Variants in TAMM41 observed in about 807,000 individuals in gnomAD.
The protein encoded by TAMM41 is TAM41 mitochondrial translocator assembly and maintenance homolog, also known as phosphatidate cytidylyltransferase, mitochondrial.
Under a neutral mutation model 44.1 loss-of-function variants are expected in TAMM41, and 36 were observed. That is an observed-to-expected ratio of 0.82 (90% CI 0.63 to 1.08). The LOEUF is 1.08. Ranked by LOEUF, TAMM41 falls within the 50% of genes least tolerant of loss-of-function variation. The probability of loss-of-function intolerance (pLI) is 0.00; values close to 1 mark genes in which losing one functional copy is unlikely to be tolerated. For missense variants in TAMM41, 417 were observed against 404.3 expected (o/e 1.03, Z -0.27); for synonymous variants, 164 against 153.1 (o/e 1.07, Z -0.53).
intron 4 of TAMM41, among the ~76,000 whole-genome samples, chr3:11,820,725 C>T (rs1169010125): frequency 6.6e-6 from 1 of 152,186 alleles, no homozygotes; most frequent in African/African-American, 2.4e-5. Flanking sequence ...ATTTTTCTTA[C>T]CTTGGGAGAT....
At chr3:11,784,796 CTT>C in the TAMM41 span, among the ~76,000 whole-genome samples, 14,408 of 108,196 alleles carry the variant, frequency 0.13, 1,189 homozygotes, top group East Asian at 0.48. Flanking sequence ...CTTTTCTTTT[CTT>C]TTTTTTTTTT....
chr3:11,750,364 G>A, the TAMM41 span, among the ~76,000 whole-genome samples: 1 of 151,948 alleles, frequency 6.6e-6, no homozygotes, highest in African/African-American at 2.4e-5. Context: ...AAGTGCAATG[G>A]TGTGATCATG....
chr3:11,729,793 C>A, the TAMM41 span, among the ~76,000 whole-genome samples: 1 of 150,294 alleles, frequency 6.7e-6, no homozygotes, highest in Non-Finnish European at 1.5e-5. Context: ...CTACTGACTG[C>A]AAGGAAGGAA....
intron 7 of TAMM41, among the ~76,000 whole-genome samples, chr3:11,792,632 G>A (rs2077506594): frequency 6.6e-6 from 1 of 152,110 alleles, no homozygotes; most frequent in Admixed American, 6.5e-5. Flanking sequence ...TTTCAACAGA[G>A]GTGGAGAACT....
chr3:11,823,992 A>C (rs530551387), intron 4 of TAMM41, among the ~76,000 whole-genome samples: 10 of 150,832 alleles, frequency 6.6e-5, no homozygotes, highest in Non-Finnish European at 1.5e-4. Flanking sequence ...CATCCAACTA[A>C]TTTTTTGTAT....
At chr3:11,747,084 AC>A in the TAMM41 span, among the ~76,000 whole-genome samples, 1 of 152,130 alleles carries the variant, frequency 6.6e-6, no homozygotes, top group African/African-American at 2.4e-5. Context: ...TATTTATAAG[AC>A]GGAGCCTCCT....
the TAMM41 span, among the ~76,000 whole-genome samples, chr3:11,774,811 G>T: frequency 6.6e-6 from 1 of 151,692 alleles, no homozygotes; most frequent in East Asian, 1.9e-4. Context: ...GTCCTAATCT[G>T]CCCTCATGAC....
At position 11,839,275 on chromosome 3, in the gene TAMM41, CAATCAG is replaced by C. The variant is rs753581636; in HGVS notation, c.352_357del (p.Leu118_Ile119del). The stretch of plus-strand genomic sequence containing the variant: ...AAGTTATTCCAGTTGAGGAGATCTT[CAATCAG>C]AACGTTAGTGCTAATAACTCCATAT... On this transcript the variant is annotated inframe_deletion, in exon 3 of 8. Coordinates refer to ENST00000455809, the MANE Select transcript of TAMM41 (RefSeq NM_001284401.2). 1 of 1,613,514 alleles carries C rather than the reference CAATCAG, an allele frequency of 6.2e-7. No homozygotes were observed. The highest frequency in any genetic ancestry group is 8.5e-7 in the Non-Finnish European group (1 of 1,179,704).
intron 5 of TAMM41, among the ~76,000 whole-genome samples, chr3:11,816,774 C>G (rs1387987231): frequency 2.0e-5 from 3 of 149,484 alleles, no homozygotes; most frequent in African/African-American, 7.4e-5. Context: ...CCTGTCCCCC[C>G]AAAAAAAGAA....
intron 7 of TAMM41, among the ~76,000 whole-genome samples, chr3:11,802,984 T>C (rs1473658767): frequency 6.6e-6 from 1 of 152,132 alleles, no homozygotes; most frequent in African/African-American, 2.4e-5. Flanking sequence ...GAAAAAGCAT[T>C]CAATAGCCTG....
chr3:11,753,813 G>C, the TAMM41 span, among the ~76,000 whole-genome samples: 1 of 152,158 alleles, frequency 6.6e-6, no homozygotes, highest in East Asian at 1.9e-4. Context: ...ACAGGAGTGT[G>C]CTTGGTGCAC....
At chr3:11,818,199 T>C (rs182908553) in intron 4 of TAMM41, among the ~76,000 whole-genome samples, 1 of 151,928 alleles carries the variant, frequency 6.6e-6, no homozygotes, top group Non-Finnish European at 1.5e-5. Flanking sequence ...TCAGGGGGAG[T>C]AGAGAGGTGG....
chr3:11,812,486 G>A lies in TAMM41; in HGVS notation c.709-2804C>T, dbSNP rs1197412013. On this transcript the variant is annotated intron_variant, in intron 5 of 7. Transcript: ENST00000455809. The stretch of plus-strand genomic sequence containing the variant: ...GGGGACCAAGGGTAGAAAGAGAAGT[G>A]ACCTTGCTTATCGTCATTCCCAGGG... Among the ~76,000 whole-genome samples the A allele has an allele frequency of 2.6e-5, 4 of 152,108 alleles. No individual in the cohort carries two copies. In the East Asian group the frequency reaches 7.7e-4, roughly 29 times the overall value.
the TAMM41 span, among the ~76,000 whole-genome samples, chr3:11,759,044 G>A: frequency 1.3e-5 from 2 of 152,040 alleles, no homozygotes; most frequent in African/African-American, 4.8e-5. Context: ...TAAATAAAGA[G>A]CATTATATGC....
At chr3:11,824,992 C>T (rs1027461967) in intron 4 of TAMM41, among the ~76,000 whole-genome samples, 2 of 152,064 alleles carry the variant, frequency 1.3e-5, no homozygotes, top group African/African-American at 4.8e-5. Flanking sequence ...AGGTGTGACC[C>T]AGTGGGTCCT....
chr3:11,759,215 C>T, the TAMM41 span, among the ~76,000 whole-genome samples: 8 of 152,042 alleles, frequency 5.3e-5, no homozygotes, highest in African/African-American at 1.7e-4. Flanking sequence ...TGCATTTGCT[C>T]GGCACTACTC....
chr3:11,838,266 G>A (rs868596913), intron 3 of TAMM41, among the ~76,000 whole-genome samples: 3 of 152,214 alleles, frequency 2.0e-5, no homozygotes, highest in Non-Finnish European at 2.9e-5. Context: ...CCAGGCTGGG[G>A]TGCGGTGGTG....
intron 6 of TAMM41, chr3:11,808,235 A>C (rs2077978693): frequency 9.0e-7 from 1 of 1,105,542 alleles, no homozygotes; most frequent in Non-Finnish European, 1.1e-6. Context: ...TCAATTCCAT[A>C]ACATGAAAAG....
At chr3:11,793,567 A>G (rs1252960428) in intron 7 of TAMM41, among the ~76,000 whole-genome samples, 1 of 152,244 alleles carries the variant, frequency 6.6e-6, no homozygotes, top group Non-Finnish European at 1.5e-5. Flanking sequence ...TACTTCTAAT[A>G]GTCCCAAGCG....
Sources: allele counts gnomAD v4.1 joint callset (sites outside exome capture counted in the v4.1 genomes callset), GRCh38; gene constraint gnomAD v4.1.1; transcripts MANE v1.5; gene names NCBI Gene and HGNC (gene_info 2026-07-23, HGNC 2026-07-21).